ZHX2: variants seen among roughly 807,000 people sequenced by gnomAD.
ZHX2 encodes zinc fingers and homeoboxes 2, also known as zinc fingers and homeoboxes protein 2.
ZHX2 carries 6 observed loss-of-function variants against 21.9 expected under a neutral mutation model. That is an observed-to-expected ratio of 0.27 (90% confidence interval 0.15 to 0.54). ZHX2 has a LOEUF of 0.54. ZHX2 is among the 20% of genes least tolerant of loss of function. The pLI, the probability that ZHX2 is intolerant of heterozygous loss-of-function variation, is 0.95. For missense variants in ZHX2, 908 were observed against 1,090.7 expected, an observed-to-expected ratio of 0.83 and a Z score of 2.36; for synonymous variants, 434 against 437.1, an observed-to-expected ratio of 0.99 and a Z score of 0.09.
At position 122,952,119 on chromosome 8, in the gene ZHX2, C is replaced by G; in HGVS notation, c.609C>G (p.Pro203=). 4 of 1,613,516 alleles carry G rather than the reference C, an allele frequency of 2.5e-6. No homozygotes were observed. Among genetic ancestry groups the G allele is most frequent in the Non-Finnish European group, 3.4e-6 (4 of 1,179,904 alleles). The change falls in exon 3 of 4, where the codon CCC becomes CCG. Residue 203 remains proline (P), a synonymous_variant. Transcript: ENST00000314393. The surrounding 1 kb of genome is among the most constrained non-coding windows in gnomAD (Gnocchi z 6.9). ...ATGCCAAGAAGGTGCCCAAGAAGCC[C>G]GAGGAGATCACCCCCGAGAACCACG... The part of the protein sequence containing the change: ...KADAKKVPKK[P]EEITPENHVE...
chr8:122,823,593 C>T (rs1304108879), intron 1 of ZHX2, among the ~76,000 whole-genome samples: 1 of 152,222 alleles, frequency 6.6e-6, no homozygotes, highest in African/African-American at 2.4e-5. Context: ...GAAGATCCCA[C>T]TTTCTACTCC....
chr8:122,815,959 A>C (rs1387041428), intron 1 of ZHX2, among the ~76,000 whole-genome samples: 1 of 151,852 alleles, frequency 6.6e-6, no homozygotes, highest in East Asian at 1.9e-4. Flanking sequence ...GCACACCTGC[A>C]GTCCCAGCTA....
chr8:122,868,518 G>A (rs562553417), intron 2 of ZHX2, among the ~76,000 whole-genome samples: 32 of 151,782 alleles, frequency 2.1e-4, no homozygotes, highest in African/African-American at 7.5e-4. Flanking sequence ...AGACAAACAC[G>A]GTGAAACCCC....
At chr8:122,806,063 T>C (rs1165688376) in intron 1 of ZHX2, among the ~76,000 whole-genome samples, 4 of 152,214 alleles carry the variant, frequency 2.6e-5, no homozygotes, top group African/African-American at 9.6e-5. Flanking sequence ...CAGTTTCCTG[T>C]TCTTATTCCT....
intron 2 of ZHX2, among the ~76,000 whole-genome samples, chr8:122,923,804 A>G (rs1820790811): frequency 6.6e-6 from 1 of 152,228 alleles, no homozygotes; most frequent in Non-Finnish European, 1.5e-5. Flanking sequence ...TATGCAAACC[A>G]GAATTCTGGA....
At chr8:122,789,122 A>T (rs1005566512) in intron 1 of ZHX2, among the ~76,000 whole-genome samples, 1 of 152,130 alleles carries the variant, frequency 6.6e-6, no homozygotes. Context: ...TCGCCAGCCA[A>T]TGGGGGAAGG....
chr8:122,961,808 G>A (rs2130342883), intron 3 of ZHX2, among the ~76,000 whole-genome samples: 1 of 152,308 alleles, frequency 6.6e-6, no homozygotes, highest in East Asian at 1.9e-4. Flanking sequence ...TTCAAGATGA[G>A]ATTTGGGTGG....
At chr8:122,947,265 T>TAAA (rs61243571) in intron 2 of ZHX2, among the ~76,000 whole-genome samples, 70 of 142,000 alleles carry the variant, frequency 4.9e-4, no homozygotes, top group Non-Finnish European at 8.7e-4. Context: ...ACCCCATCTC[T>TAAA]AAAAAAAAAA....
intron 2 of ZHX2, among the ~76,000 whole-genome samples, chr8:122,931,939 C>T (rs4871327): frequency 0.016 from 2,361 of 152,156 alleles, 68 homozygotes; most frequent in Admixed American, 0.068. Context: ...CTAGATGAAC[C>T]GTAGACCTGA....
At chr8:122,917,008 C>T (rs1229863361) in intron 2 of ZHX2, among the ~76,000 whole-genome samples, 1 of 152,138 alleles carries the variant, frequency 6.6e-6, no homozygotes, top group Non-Finnish European at 1.5e-5. Flanking sequence ...CTCTGTGAAA[C>T]CCTCCAGCAC....
chr8:122,956,985 G>T (rs1813320650), intron 3 of ZHX2, among the ~76,000 whole-genome samples: 1 of 152,206 alleles, frequency 6.6e-6, no homozygotes, highest in Non-Finnish European at 1.5e-5. Context: ...GGGAGGGAAT[G>T]TTAAAACCAT....
intron 1 of ZHX2, among the ~76,000 whole-genome samples, chr8:122,836,910 CAGGATG>C (rs1818516097): frequency 6.6e-6 from 1 of 152,156 alleles, no homozygotes. Context: ...TTCTAAGGCA[CAGGATG>C]AGGTAGGAGG....
chr8:122,793,134 C>G (rs1817551894), intron 1 of ZHX2, among the ~76,000 whole-genome samples: 4 of 152,224 alleles, frequency 2.6e-5, no homozygotes, highest in African/African-American at 9.6e-5. Context: ...ACCTGTGAAG[C>G]ATTTAGCACA....
At chr8:122,787,696 G>A (rs1226140999) in intron 1 of ZHX2, among the ~76,000 whole-genome samples, 1 of 152,212 alleles carries the variant, frequency 6.6e-6, no homozygotes, top group African/African-American at 2.4e-5. Flanking sequence ...TGGGGGCCCA[G>A]GGGCCACTTG....
rs559767182 is a variant in ZHX2, at chr8:122,812,643, T to G, written c.-283+30697T>G. Among the ~76,000 whole-genome samples, 18 of 152,332 alleles carry G rather than the reference T, an allele frequency of 1.2e-4. 2 individuals are homozygous for G. The East Asian group carries it at 3.5e-3, about 29-fold the overall frequency. The stretch of plus-strand genomic sequence containing the variant: ...TCCTGGAGCTCTTAACACTGTGCTT[T>G]GCTGCCCAGATCTTCTATGTTAACT... On this transcript the variant is annotated intron_variant, in intron 1 of 3. Coordinates refer to ENST00000314393, the MANE Select transcript of ZHX2 (RefSeq NM_014943.5).
chr8:122,945,864 G>A (rs920996219), intron 2 of ZHX2, among the ~76,000 whole-genome samples: 4 of 152,214 alleles, frequency 2.6e-5, no homozygotes, highest in Non-Finnish European at 4.4e-5. Context: ...GAATGCGCCC[G>A]GTCTCGTCAG....
At position 122,953,362 on chromosome 8, in the gene ZHX2, T is replaced by C. The variant is rs760096808; in HGVS notation, c.1852T>C (p.Ser618Pro). Residue 618 changes from serine to proline, a missense_variant, in exon 3 of 4, where the codon TCC becomes CCC. By Grantham distance (74) the Ser-to-Pro change is moderately conservative. Transcript: ENST00000314393. This position sits in a 1 kb window ranked among gnomAD's most constrained non-coding sequence, Gnocchi z 4.6. Reference sequence around the variant, plus strand: ...TGCTCTGTCTCGACTCGACCAGCTCTCCGGTGCCCAGTTAACAAGTTCTCT... The same window carrying C: ...TGCTCTGTCTCGACTCGACCAGCTCCCCGGTGCCCAGTTAACAAGTTCTCT... ...NGALSRLDQL[S>P]GAQLTSSLPS... 10 of 1,614,014 alleles carry C rather than the reference T, an allele frequency of 6.2e-6. No individual in the cohort carries two copies. The highest frequency in any genetic ancestry group is 8.5e-6 in the Non-Finnish European group (10 of 1,180,042).
intron 2 of ZHX2, among the ~76,000 whole-genome samples, chr8:122,867,042 A>G (rs964087817): frequency 6.6e-6 from 1 of 150,632 alleles, no homozygotes; most frequent in African/African-American, 2.4e-5. Context: ...CATGTTGGCC[A>G]GGCGGGTCTC....
At chr8:122,916,878 A>T (rs930154030) in intron 2 of ZHX2, among the ~76,000 whole-genome samples, 1 of 150,162 alleles carries the variant, frequency 6.7e-6, no homozygotes, top group African/African-American at 2.5e-5. Flanking sequence ...ACCTCCATCC[A>T]CCCCAAATCC....
Sources: allele counts gnomAD v4.1 joint callset (sites outside exome capture counted in the v4.1 genomes callset), GRCh38; gene constraint gnomAD v4.1.1; non-coding constraint Gnocchi (gnomAD v3.1); transcripts MANE v1.5; gene names NCBI Gene and HGNC (gene_info 2026-07-23, HGNC 2026-07-21).